The following PCMT1 variants were observed in gnomAD, a reference collection of about 807,000 sequenced individuals.
PCMT1 encodes the protein protein-L-isoaspartate (D-aspartate) O-methyltransferase.
A neutral mutation model predicts 29.2 loss-of-function variants in PCMT1; 9 were observed. That is an observed-to-expected ratio of 0.31 (90% confidence interval 0.19 to 0.54). PCMT1 has a LOEUF of 0.54. PCMT1 is among the 20% of genes least tolerant of loss of function. The probability of loss-of-function intolerance (pLI) is 0.95; values close to 1 mark genes in which losing one functional copy is unlikely to be tolerated. For synonymous variants in PCMT1, 98 were observed against 97.5 expected (o/e 1.00, Z -0.03); for missense variants, 184 against 282.2 (o/e 0.65, Z 2.49).
At chr6:149,776,672 T>C in intron 3 of PCMT1, among the ~76,000 whole-genome samples, 1 of 152,138 alleles carries the variant, frequency 6.6e-6, no homozygotes, top group East Asian at 1.9e-4. Context: ...TTTGGCCTTC[T>C]AAAATGTTGG....
chr6:149,791,427 A>G (rs1284868152), intron 4 of PCMT1, among the ~76,000 whole-genome samples: 2 of 152,244 alleles, frequency 1.3e-5, no homozygotes, highest in Non-Finnish European at 2.9e-5. Flanking sequence ...GTTGGAGTAA[A>G]GGTTGATCAT....
At chr6:149,768,540 C>T (rs1365688148) in intron 1 of PCMT1, among the ~76,000 whole-genome samples, 1 of 150,704 alleles carries the variant, frequency 6.6e-6, no homozygotes, top group Non-Finnish European at 1.5e-5. Flanking sequence ...CAACCTCCGC[C>T]TCCCAGGCTC....
intron 6 of PCMT1, among the ~76,000 whole-genome samples, chr6:149,798,774 A>T (rs952166): frequency 0.53 from 81,060 of 152,042 alleles, 24,803 homozygotes; most frequent in East Asian, 0.83. Context: ...CGCAGTTTGC[A>T]CTGCAAAACT....
At chr6:149,787,303 GGGGAGAGGGAGA>G (rs879795907) in intron 3 of PCMT1, among the ~76,000 whole-genome samples, 1 of 149,902 alleles carries the variant, frequency 6.7e-6, no homozygotes, top group Non-Finnish European at 1.5e-5. Flanking sequence ...GGGAGACCGT[GGGGAGAGGGAGA>G]GGGAGAGGGA....
intron 1 of PCMT1, among the ~76,000 whole-genome samples, chr6:149,750,798 C>CT (rs937831855): frequency 6.6e-6 from 1 of 152,028 alleles, no homozygotes; most frequent in African/African-American, 2.4e-5. Flanking sequence ...GTGTCACTTT[C>CT]TTTTTTTAAA....
In PCMT1 at chr6:149,786,166, A is replaced by ACC. The variant is rs1393022428; in HGVS notation, c.193-3783_193-3782dup. On this transcript the variant is annotated intron_variant, in intron 3 of 7. Coordinates refer to ENST00000464889, the MANE Select transcript of PCMT1 (RefSeq NM_001360452.2). ...GGGCGGCTGGCCGGGCGGGGGGCTG[A>ACC]CCCCCCAACCTCCCTCCCAGACGGG... Among the ~76,000 whole-genome samples the ACC allele has an allele frequency of 3.0e-3, 154 of 52,194 alleles. 28 individuals are homozygous for ACC. Among genetic ancestry groups the ACC allele is most frequent in the African/African-American group, 0.025 (137 of 5,380 alleles). 34.2% of individuals were successfully genotyped at this position (52,194 alleles called of 152,430 possible).
At chr6:149,773,219 TA>T (rs1787409764) in intron 3 of PCMT1, 50 bp downstream of exon 3, 2 of 1,398,372 alleles carry the variant, frequency 1.4e-6, no homozygotes, top group Non-Finnish European at 2.0e-6. Flanking sequence ...TTTTTCTCTA[TA>T]ATCATTTTCT....
At chr6:149,808,931 T>G (rs373905726) in intron 7 of PCMT1, among the ~76,000 whole-genome samples, 1 of 422 alleles carries the variant, frequency 2.4e-3, no homozygotes, top group African/African-American at 0.015. Context: ...CCACTGCCCC[T>G]GGCAAATTGT....
intron 3 of PCMT1, among the ~76,000 whole-genome samples, chr6:149,789,481 G>C (rs1788264437): frequency 6.6e-6 from 1 of 152,134 alleles, no homozygotes; most frequent in Non-Finnish European, 1.5e-5. Flanking sequence ...CTGAGGTCGA[G>C]AGTTCGAGAC....
chr6:149,772,714 A>T (rs1787384557), intron 2 of PCMT1: 1 of 398,874 alleles, frequency 2.5e-6, no homozygotes, highest in East Asian at 7.3e-5. Flanking sequence ...GATCATAAAA[A>T]CTAAAAAAGA....
intron 1 of PCMT1, among the ~76,000 whole-genome samples, chr6:149,751,498 T>TTTTA (rs1308926025): frequency 1.4e-5 from 2 of 144,542 alleles, no homozygotes; most frequent in African/African-American, 5.1e-5. Context: ...TTTTTTTTTT[T>TTTTA]TGAGACAGAG....
chr6:149,770,015 G>C (rs1006624998), intron 1 of PCMT1, among the ~76,000 whole-genome samples: 2 of 152,048 alleles, frequency 1.3e-5, no homozygotes, highest in African/African-American at 4.8e-5. Context: ...TCTTCATCCT[G>C]CCTCTGTGAC....
chr6:149,754,320 G>T (rs144775637), intron 1 of PCMT1, among the ~76,000 whole-genome samples: 12 of 152,152 alleles, frequency 7.9e-5, no homozygotes, highest in Non-Finnish European at 1.5e-4. Flanking sequence ...TATGATTATG[G>T]ACTGGTAATG....
intron 1 of PCMT1, among the ~76,000 whole-genome samples, chr6:149,755,740 G>A (rs1308365318): frequency 6.6e-6 from 1 of 152,060 alleles, no homozygotes; most frequent in Non-Finnish European, 1.5e-5. Flanking sequence ...ACAGGCACTG[G>A]GGATACAGCA....
At chr6:149,757,514 G>T (rs560238679) in intron 1 of PCMT1, among the ~76,000 whole-genome samples, 1 of 152,306 alleles carries the variant, frequency 6.6e-6, no homozygotes, top group Admixed American at 6.5e-5. Flanking sequence ...ATCTTACATG[G>T]TGCTTTGAAG....
At chr6:149,770,204 G>C (rs1787254561) in intron 1 of PCMT1, among the ~76,000 whole-genome samples, 1 of 152,130 alleles carries the variant, frequency 6.6e-6, no homozygotes, top group Admixed American at 6.6e-5. Flanking sequence ...GTGTCCAGCT[G>C]ACTACAGAAT....
chr6:149,774,991 G>A (rs1787502424), intron 3 of PCMT1, among the ~76,000 whole-genome samples: 1 of 152,134 alleles, frequency 6.6e-6, no homozygotes. Flanking sequence ...ACAGGCGTGA[G>A]CCACCCCACC....
chr6:149,810,687 A>G lies in PCMT1; in HGVS notation c.*109A>G. 7.2e-7 allele frequency: 1 copy of G among 1,385,862 alleles called. No individual in the cohort carries two copies. The highest frequency in any genetic ancestry group is 1.8e-4 in the Middle Eastern group (1 of 5,706). 85.8% of individuals were successfully genotyped at this position (1,385,862 alleles called of 1,614,324 possible). Reference sequence around the variant, plus strand: ...GTGGATTGCTCATCTCAGTCCTCAAAGCTTTTTGAAAACCAACACCATCAC... The same window carrying G: ...GTGGATTGCTCATCTCAGTCCTCAAGGCTTTTTGAAAACCAACACCATCAC... On this transcript the variant is annotated 3_prime_UTR_variant, in exon 8 of 8. Transcript: ENST00000464889.
At chr6:149,757,611 A>C (rs1417031316) in intron 1 of PCMT1, among the ~76,000 whole-genome samples, 1 of 152,212 alleles carries the variant, frequency 6.6e-6, no homozygotes, top group Non-Finnish European at 1.5e-5. Context: ...GGGTCAAACC[A>C]GGACAAATGG....
Sources: gnomAD v4.1 joint callset for allele counts (sites outside exome capture counted in the v4.1 genomes callset) on GRCh38, gnomAD v4.1.1 for gene constraint, MANE v1.5 for transcripts, NCBI Gene and HGNC (gene_info 2026-07-23, HGNC 2026-07-21) for gene names.